ANXA6: variants seen among roughly 807,000 people sequenced by gnomAD.
ANXA6 encodes 67 kDa calelectrin.
A neutral mutation model predicts 95.4 loss-of-function variants in ANXA6; 71 were observed. That is an observed-to-expected ratio of 0.74 (90% CI 0.61 to 0.91). The LOEUF (loss-of-function observed/expected upper bound fraction) is 0.91, where lower values mean the gene tolerates loss of function less well. Among genes scored for constraint, ANXA6 ranks in the 40% least tolerant of loss-of-function variants. The probability of loss-of-function intolerance (pLI) is 0.00; values close to 1 mark genes in which losing one functional copy is unlikely to be tolerated. For missense variants in ANXA6, 830 were observed against 876.4 expected (o/e 0.95, Z 0.67); for synonymous variants, 289 against 315.9 (o/e 0.91, Z 0.90).
At position 151,103,813 on chromosome 5, in the gene ANXA6, T is replaced by C. The variant is rs1428771242; in HGVS notation, c.1840-121A>G. 1.1e-5 allele frequency: 13 copies of C among 1,218,094 alleles called. No homozygotes were observed. The Admixed American group carries it at 2.8e-4, about 26-fold the overall frequency. 75.5% of individuals were successfully genotyped at this position (1,218,094 alleles called of 1,614,324 possible). ...TTCCTTCCAAAAACAGGGCGGATGT[T>C]CCACCTCTGTCTTCTGCAAACAGTC... On this transcript the variant is annotated intron_variant, in intron 24 of 25. Coordinates refer to ENST00000354546, the MANE Select transcript of ANXA6 (RefSeq NM_001155.5).
chr5:151,128,097 C>T (rs1765379338), intron 13 of ANXA6, 84 bp downstream of exon 13: 4 of 1,196,284 alleles, frequency 3.3e-6, no homozygotes, highest in East Asian at 2.5e-5. Context: ...TCATCCAATC[C>T]ACCCATCAGG....
Position 151,101,330 on chromosome 5 carries a change from A to ACCCCTTCCCCCC in ANXA6, c.*117_*118insGGGGGGAAGGGG. 2.6e-6 allele frequency: 1 copy of ACCCCTTCCCCCC among 385,870 alleles called. No individual in the cohort carries two copies. The highest frequency in any genetic ancestry group is 3.6e-5 in the Admixed American group (1 of 27,982). The allele number at this position is 385,870 out of a possible 1,614,324, so 23.9% of individuals were successfully genotyped here. ...CCACTGAAGATAAGAGCCCAACCCA[A>ACCCCTTCCCCCC]CCCCTCCCCCCACCCCTGCCCCTTC... On this transcript the variant is annotated 3_prime_UTR_variant, in exon 26 of 26. Transcript: ENST00000354546.
chr5:151,150,236 TC>T (rs1325973464), intron 1 of ANXA6, among the ~76,000 whole-genome samples: 2 of 152,178 alleles, frequency 1.3e-5, no homozygotes, highest in East Asian at 3.8e-4. Context: ...GCCTTCCAGT[TC>T]TCCACATATT....
intron 2 of ANXA6, among the ~76,000 whole-genome samples, chr5:151,140,900 C>T (rs968738126): frequency 4.6e-5 from 7 of 152,228 alleles, no homozygotes; most frequent in Non-Finnish European, 1.0e-4. Flanking sequence ...TGCTCTCCAG[C>T]CCCGCTCTGC....
At chr5:151,137,146 T>A in intron 6 of ANXA6, 85 bp downstream of exon 6, 1 of 1,149,342 alleles carries the variant, frequency 8.7e-7, no homozygotes, top group Non-Finnish European at 1.3e-6. Flanking sequence ...AGAAGGTAGA[T>A]GGCTAGAATC....
intron 24 of ANXA6, among the ~76,000 whole-genome samples, chr5:151,104,196 G>A (rs1315524739): frequency 6.6e-6 from 1 of 152,132 alleles, no homozygotes; most frequent in East Asian, 1.9e-4. Flanking sequence ...GAGCCTCCAG[G>A]AGGACCCAAC....
intron 2 of ANXA6, among the ~76,000 whole-genome samples, chr5:151,142,369 TC>T (rs1316041998): frequency 1.3e-5 from 2 of 151,960 alleles, no homozygotes; most frequent in African/African-American, 4.8e-5. Flanking sequence ...TCTCAGCTAC[TC>T]AGGAGGCTGG....
chr5:151,122,532 A>G (rs1765197235), intron 16 of ANXA6, among the ~76,000 whole-genome samples: 1 of 152,236 alleles, frequency 6.6e-6, no homozygotes. Context: ...GGGGAAATGC[A>G]TCAACCTAAG....
chr5:151,137,353 G>T, intron 5 of ANXA6, 32 bp from the exon 6 acceptor site: 1 of 1,569,746 alleles, frequency 6.4e-7, no homozygotes, highest in South Asian at 1.1e-5. Flanking sequence ...ATGAATTAAG[G>T]GCAGGGATGG....
intron 17 of ANXA6, among the ~76,000 whole-genome samples, chr5:151,121,159 A>G (rs1470159383): frequency 6.6e-6 from 1 of 152,206 alleles, no homozygotes; most frequent in Non-Finnish European, 1.5e-5. Flanking sequence ...CAAGGGGCCA[A>G]AAGCACTACT....
chr5:151,104,364 T>A (rs905378751), intron 24 of ANXA6, among the ~76,000 whole-genome samples: 1 of 152,222 alleles, frequency 6.6e-6, no homozygotes, highest in African/African-American at 2.4e-5. Flanking sequence ...CAGCCAGAGC[T>A]GCCTCTGCCC....
chr5:151,111,274 T>C (rs1764840196), intron 20 of ANXA6, among the ~76,000 whole-genome samples: 1 of 152,180 alleles, frequency 6.6e-6, no homozygotes, highest in African/African-American at 2.4e-5. Flanking sequence ...CACTATTTTG[T>C]TAGGCAAATA....
chr5:151,134,458 A>C lies in ANXA6; in HGVS notation c.515T>G (p.Val172Gly), dbSNP rs756580976. Residue 172 changes from valine to glycine, a missense_variant, in exon 8 of 26, where the codon GTG becomes GGG. Coordinates refer to ENST00000354546, the MANE Select transcript of ANXA6 (RefSeq NM_001155.5). ...LQGTREEDDVVSEDLVQQDVQ... is the reference protein window; with the variant it reads ...LQGTREEDDVGSEDLVQQDVQ... ...ATCCTGTTGTACCAGGTCCTCGCTC[A>C]CTACGTCATCCTCCTCCCTGGTTCC... 1 of 1,613,948 alleles carries C rather than the reference A, an allele frequency of 6.2e-7. No homozygotes were observed. Among genetic ancestry groups the C allele is most frequent in the Admixed American group, 1.7e-5 (1 of 60,024 alleles).
chr5:151,114,184 G>GA (rs1764930066), intron 20 of ANXA6, among the ~76,000 whole-genome samples: 1 of 152,082 alleles, frequency 6.6e-6, no homozygotes, highest in African/African-American at 2.4e-5. Context: ...TTTTGGGGGT[G>GA]AAAAAATGTT....
At chr5:151,137,132 G>T in intron 6 of ANXA6, 99 bp downstream of exon 6, 1 of 988,658 alleles carries the variant, frequency 1.0e-6, no homozygotes. Flanking sequence ...GAGGAAAGGA[G>T]GAGAGAAGGT....
chr5:151,154,871 T>C (rs1363564), intron 1 of ANXA6: 138,583 of 152,192 alleles, frequency 0.91, 63,319 homozygotes, highest in East Asian at 1. Flanking sequence ...ACAGTATAGA[T>C]GCTGGAGCCA....
rs756576509 is a variant in ANXA6 at position 151,140,231 on chromosome 5, G to A, written c.31C>T (p.Arg11Trp). Residue 11 changes from arginine to tryptophan, a missense_variant, in exon 3 of 26, where the codon CGG becomes TGG. By Grantham distance (101) the Arg-to-Trp change is moderately radical. Coordinates refer to ENST00000354546, the MANE Select transcript of ANXA6 (RefSeq NM_001155.5). ...CCTGGGAAGTCATGGATGGAGCCCC[G>A]GTACTTGGCACCCTGTGGAGAAAAA... MAKPAQGAKYRGSIHDFPGFD... is the reference protein window; with the variant it reads MAKPAQGAKYWGSIHDFPGFD... The A allele has an allele frequency of 8.4e-5, 136 of 1,613,704 alleles. No homozygotes were observed. Among genetic ancestry groups the A allele is most frequent in the South Asian group, 1.6e-4 (15 of 91,076 alleles).
chr5:151,148,276 C>A (rs1766020139), intron 1 of ANXA6, among the ~76,000 whole-genome samples: 1 of 152,176 alleles, frequency 6.6e-6, no homozygotes, highest in South Asian at 2.1e-4. Context: ...ATCAGATTCT[C>A]CTTTTTTATA....
At chr5:151,122,046 G>T (rs1561572892) in intron 17 of ANXA6, 101 bp downstream of exon 17, 1 of 670,038 alleles carries the variant, frequency 1.5e-6, no homozygotes, top group South Asian at 2.4e-5. Context: ...TATGGGAGGA[G>T]TTCTACCAAG....
Sources: allele counts gnomAD v4.1 joint callset (sites outside exome capture counted in the v4.1 genomes callset), GRCh38; gene constraint gnomAD v4.1.1; transcripts MANE v1.5; gene names NCBI Gene and HGNC (gene_info 2026-07-23, HGNC 2026-07-21).